Variants in STAU2 observed in about 807,000 individuals in gnomAD.
The protein encoded by STAU2 is double-stranded RNA-binding protein Staufen homolog 2.
In STAU2, 20 loss-of-function variants were observed where a neutral mutation model predicts 65.9. The observed-to-expected ratio is 0.30, with a 90% CI of 0.21 to 0.44. The LOEUF is 0.44. Among genes scored for constraint, STAU2 ranks in the 20% least tolerant of loss-of-function variants. STAU2 has a pLI of 1.00. For missense variants in STAU2, 558 were observed against 683.9 expected, an observed-to-expected ratio of 0.82 and a Z score of 2.05; for synonymous variants, 232 against 233.9, an observed-to-expected ratio of 0.99 and a Z score of 0.07.
chr8:73,611,641 C>T lies in STAU2; in HGVS notation c.891+2103G>A, dbSNP rs1196732144. ...ATAGAAATGTACAGATCTTTTCCAG[C>T]CTAACAGTTTATTATGATGATTATT... is the stretch of plus-strand genomic sequence containing the variant. On this transcript the variant is annotated intron_variant, in intron 9 of 14. Transcript: ENST00000524300. 6.6e-5 allele frequency among the ~76,000 whole-genome samples: 10 copies of T among 150,798 alleles called. No homozygotes were observed. The East Asian group carries it at 9.7e-4, about 15-fold the overall frequency.
intron 4 of STAU2, among the ~76,000 whole-genome samples, chr8:73,697,776 T>C (rs1819784885): frequency 6.6e-6 from 1 of 152,184 alleles, no homozygotes; most frequent in Non-Finnish European, 1.5e-5. Context: ...TTTAAAATAA[T>C]GCGTTATAAG....
chr8:73,467,817 A>G (rs1819742118), intron 13 of STAU2, among the ~76,000 whole-genome samples: 1 of 152,204 alleles, frequency 6.6e-6, no homozygotes, highest in Non-Finnish European at 1.5e-5. Flanking sequence ...ATACAAACAA[A>G]TGGAAGAACA....
intron 13 of STAU2, among the ~76,000 whole-genome samples, chr8:73,479,711 ACGTG>A (rs1820510703): frequency 2.2e-5 from 1 of 46,276 alleles, no homozygotes; most frequent in African/African-American, 8.0e-5. Flanking sequence ...ACTTAAATAT[ACGTG>A]TGTGTGTGTG....
intron 13 of STAU2, among the ~76,000 whole-genome samples, chr8:73,485,579 G>C (rs1006229844): frequency 1.3e-5 from 2 of 151,972 alleles, no homozygotes; most frequent in East Asian, 1.9e-4. Flanking sequence ...TGGCAAGCTC[G>C]GTAGCTCAGA....
chr8:73,588,730 A>T (rs1275625610), intron 11 of STAU2, among the ~76,000 whole-genome samples: 2 of 152,144 alleles, frequency 1.3e-5, no homozygotes, highest in Non-Finnish European at 2.9e-5. Flanking sequence ...AAGATAGAAA[A>T]CCTACTTGAG....
At chr8:73,665,035 C>G (rs1232993198) in intron 6 of STAU2, among the ~76,000 whole-genome samples, 1 of 152,076 alleles carries the variant, frequency 6.6e-6, no homozygotes, top group Non-Finnish European at 1.5e-5. Flanking sequence ...ATGGGGGATA[C>G]TGATCTTAAG....
At chr8:73,620,859 T>A (rs924846665) in intron 6 of STAU2, among the ~76,000 whole-genome samples, 1 of 152,178 alleles carries the variant, frequency 6.6e-6, no homozygotes, top group Non-Finnish European at 1.5e-5. Flanking sequence ...ATATCACATC[T>A]CCTCATACCA....
At chr8:73,605,307 C>CTT (rs760108756) in intron 9 of STAU2, among the ~76,000 whole-genome samples, 267 of 123,942 alleles carry the variant, frequency 2.2e-3, no homozygotes, top group African/African-American at 5.0e-3. Context: ...GGCTTTTTTC[C>CTT]TTTTTTTTTT....
intron 13 of STAU2, among the ~76,000 whole-genome samples, chr8:73,539,837 C>A (rs946160199): frequency 6.7e-6 from 1 of 148,150 alleles, no homozygotes; most frequent in Non-Finnish European, 1.5e-5. Context: ...GAGTGAAATT[C>A]CATCCCCATC....
Position 73,429,413 on chromosome 8 carries a change from C to CTTTTTT in STAU2, c.1531-6717_1531-6712dup, listed in dbSNP as rs71561522. Among the ~76,000 whole-genome samples the CTTTTTT allele has an allele frequency of 2.6e-4, 17 of 65,364 alleles. 6 individuals are homozygous for CTTTTTT. Among genetic ancestry groups the CTTTTTT allele is most frequent in the South Asian group, 9.6e-4 (2 of 2,082 alleles). 42.9% of individuals were successfully genotyped at this position (65,364 alleles called of 152,430 possible). A position where few individuals can be genotyped will look rare whatever the true frequency, so the allele number is the denominator to read the frequency against. On this transcript the variant is annotated intron_variant, in intron 13 of 14. Transcript: ENST00000524300. ...AACCAATCTATATTCTTGCTCAGGT[C>CTTTTTT]TTTTTTTTTTTTTTTTTTTTTTTTT...
At chr8:73,739,512 A>G (rs928411064) in intron 2 of STAU2, among the ~76,000 whole-genome samples, 1 of 152,210 alleles carries the variant, frequency 6.6e-6, no homozygotes, top group Non-Finnish European at 1.5e-5. Context: ...GTAAGTACAC[A>G]CATACATACA....
intron 6 of STAU2, among the ~76,000 whole-genome samples, chr8:73,645,249 C>A (rs1018183953): frequency 6.6e-6 from 1 of 152,036 alleles, no homozygotes; most frequent in Non-Finnish European, 1.5e-5. Flanking sequence ...AGACCATGAC[C>A]AAGTATCGTT....
intron 4 of STAU2, among the ~76,000 whole-genome samples, chr8:73,693,419 G>A (rs1274066632): frequency 6.7e-6 from 1 of 148,842 alleles, no homozygotes; most frequent in African/African-American, 2.5e-5. Flanking sequence ...AGCTTGCAGT[G>A]AGCCAAGACA....
intron 4 of STAU2, among the ~76,000 whole-genome samples, chr8:73,697,044 G>GTTGTTTTGTTTTGTT (rs59831190): frequency 2.9e-4 from 44 of 151,304 alleles, no homozygotes; most frequent in African/African-American, 1.0e-3. Flanking sequence ...GCAGACTTTT[G>GTTGTTTTGTTTTGTT]TTGTTTTGTT....
At chr8:73,626,649 T>A (rs1813664732) in intron 6 of STAU2, among the ~76,000 whole-genome samples, 1 of 152,190 alleles carries the variant, frequency 6.6e-6, no homozygotes, top group African/African-American at 2.4e-5. Context: ...AGGATTGTGG[T>A]CATTATATCA....
intron 3 of STAU2, among the ~76,000 whole-genome samples, chr8:73,725,995 T>C (rs1805591878): frequency 1.3e-5 from 2 of 149,906 alleles, no homozygotes; most frequent in African/African-American, 4.9e-5. Flanking sequence ...TTGATTATGA[T>C]GTGCGTGGTT....
At chr8:73,490,158 GT>G (rs1009039982) in intron 13 of STAU2, among the ~76,000 whole-genome samples, 6 of 151,996 alleles carry the variant, frequency 3.9e-5, no homozygotes, top group African/African-American at 1.4e-4. Context: ...AGAGGCCTTG[GT>G]TTAAGAGGAT....
chr8:73,557,848 G>A (rs1207863079), intron 12 of STAU2, among the ~76,000 whole-genome samples: 1 of 152,094 alleles, frequency 6.6e-6, no homozygotes, highest in Non-Finnish European at 1.5e-5. Flanking sequence ...TTTTGTCCCT[G>A]GTTTTGCCTT....
chr8:73,478,518 T>A (rs1820439374), intron 13 of STAU2, among the ~76,000 whole-genome samples: 1 of 152,004 alleles, frequency 6.6e-6, no homozygotes, highest in Admixed American at 6.6e-5. Context: ...TTATACCTTG[T>A]CATTAAGTCT....
Sources: gnomAD v4.1 joint callset for allele counts (sites outside exome capture counted in the v4.1 genomes callset) on GRCh38, gnomAD v4.1.1 for gene constraint, MANE v1.5 for transcripts, NCBI Gene and HGNC (gene_info 2026-07-23, HGNC 2026-07-21) for gene names.